Variants in CEP112 observed in about 807,000 individuals in gnomAD.
The protein encoded by CEP112 is centrosomal protein of 112 kDa.
A neutral mutation model predicts 153.0 loss-of-function variants in CEP112; 127 were observed. That is an observed-to-expected ratio of 0.83 (90% CI 0.72 to 0.96). The LOEUF is 0.96. CEP112 is among the 40% of genes least tolerant of loss of function. The pLI, the probability that CEP112 is intolerant of heterozygous loss-of-function variation, is 0.00. For missense variants in CEP112, 1,089 were observed against 1,101.2 expected, an observed-to-expected ratio of 0.99 and a Z score of 0.16; for synonymous variants, 358 against 374.4, an observed-to-expected ratio of 0.96 and a Z score of 0.51.
At chr17:65,814,507 A>G (rs987980549) in intron 21 of CEP112, among the ~76,000 whole-genome samples, 8 of 152,206 alleles carry the variant, frequency 5.3e-5, no homozygotes, top group Non-Finnish European at 8.8e-5. Context: ...AGATGTAGTG[A>G]GGAGACAATA....
chr17:66,034,106 T>C (rs2065608644), intron 12 of CEP112, among the ~76,000 whole-genome samples: 1 of 152,176 alleles, frequency 6.6e-6, no homozygotes, highest in East Asian at 1.9e-4. Context: ...ACCAATCCCC[T>C]GCATATACCA....
At chr17:66,148,481 A>G (rs1441978643) in intron 4 of CEP112, among the ~76,000 whole-genome samples, 2 of 152,184 alleles carry the variant, frequency 1.3e-5, no homozygotes, top group African/African-American at 4.8e-5. Context: ...AAGTCTTCCA[A>G]TCCATGAATA....
At chr17:66,010,782 T>A (rs182055837) in intron 16 of CEP112, among the ~76,000 whole-genome samples, 47 of 152,286 alleles carry the variant, frequency 3.1e-4, no homozygotes, top group Admixed American at 9.2e-4. Context: ...ATATGTTGAG[T>A]CAACCTTGCA....
chr17:65,645,817 C>CT (rs1418425624), intron 24 of CEP112, among the ~76,000 whole-genome samples: 1 of 152,126 alleles, frequency 6.6e-6, no homozygotes, highest in African/African-American at 2.4e-5. Flanking sequence ...ATGCTAGTTC[C>CT]TTTTTCTAAA....
intron 18 of CEP112, among the ~76,000 whole-genome samples, chr17:65,951,738 C>CTCGCG (rs2061836378): frequency 1.0e-5 from 1 of 96,644 alleles, no homozygotes; most frequent in Non-Finnish European, 2.2e-5. Context: ...CTCTAATCTT[C>CTCGCG]CCCCGCCCCC....
chr17:66,130,752 G>C (rs1416619022), intron 5 of CEP112, among the ~76,000 whole-genome samples: 1 of 143,118 alleles, frequency 7.0e-6, no homozygotes, highest in Non-Finnish European at 1.5e-5. Flanking sequence ...CTCCAGCCTG[G>C]GCGACAGAGC....
In CEP112 at chr17:66,029,181, G is replaced by A; in HGVS notation, c.1445C>T (p.Thr482Ile). ...DYEQNMKLLQ[T>I]KYDADINLLK... ...AAGGTTTATATCAGCATCATATTTG[G>A]TTTGTAACAGTTTCATGTTTTGCTC... The change falls in exon 14 of 27, where the codon ACC (threonine) becomes ATC (isoleucine). Residue 482 changes from threonine to isoleucine, a missense_variant. Physicochemically the swap from Thr to Ile is moderately conservative, Grantham distance 89. Coordinates refer to ENST00000535342, the MANE Select transcript of CEP112 (RefSeq NM_001199165.4). The A allele has an allele frequency of 1.2e-6, 2 of 1,609,662 alleles. No homozygotes were observed. The highest frequency in any genetic ancestry group is 8.5e-7 in the Non-Finnish European group (1 of 1,176,408).
chr17:65,797,958 T>C (rs1371551494), intron 21 of CEP112, among the ~76,000 whole-genome samples: 1 of 152,218 alleles, frequency 6.6e-6, no homozygotes, highest in Non-Finnish European at 1.5e-5. Flanking sequence ...CGAGGGTCTC[T>C]GATGCTACTG....
chr17:65,924,227 C>T lies in CEP112; in HGVS notation c.1980+3355G>A, dbSNP rs918371918. Reference sequence around the variant, plus strand: ...TCCTAACCTCGTGATCCGCCTGCCTCGGCCTCCCAAAGTGCTGGGATTACA... The same window carrying T: ...TCCTAACCTCGTGATCCGCCTGCCTTGGCCTCCCAAAGTGCTGGGATTACA... On this transcript the variant is annotated intron_variant, in intron 19 of 26. Coordinates refer to ENST00000535342, the MANE Select transcript of CEP112 (RefSeq NM_001199165.4). Among the ~76,000 whole-genome samples the T allele has an allele frequency of 5.9e-5, 9 of 152,228 alleles. No individual in the cohort carries two copies. The East Asian group carries it at 9.7e-4, about 16-fold the overall frequency.
At chr17:66,061,363 A>C (rs933638755) in intron 11 of CEP112, among the ~76,000 whole-genome samples, 1 of 152,100 alleles carries the variant, frequency 6.6e-6, no homozygotes, top group African/African-American at 2.4e-5. Flanking sequence ...ATTAGGGAAA[A>C]CTGTGTGGTT....
intron 13 of CEP112, among the ~76,000 whole-genome samples, 161 bp from the exon 14 acceptor site, chr17:66,029,413 C>T (rs1421811564): frequency 2.0e-5 from 3 of 152,062 alleles, no homozygotes; most frequent in Non-Finnish European, 4.4e-5. Flanking sequence ...ATGTTAAAAA[C>T]AGGTTGGGTA....
intron 6 of CEP112, among the ~76,000 whole-genome samples, chr17:66,115,827 T>C (rs115394255): frequency 3.9e-5 from 6 of 152,340 alleles, no homozygotes; most frequent in African/African-American, 1.4e-4. Flanking sequence ...AATTGTTGTC[T>C]CAGTGATTGG....
At chr17:65,971,525 A>C (rs955088955) in intron 17 of CEP112, among the ~76,000 whole-genome samples, 1 of 152,194 alleles carries the variant, frequency 6.6e-6, no homozygotes, top group Non-Finnish European at 1.5e-5. Flanking sequence ...TTACATGTGT[A>C]TCACCTAAAT....
chr17:65,793,108 G>A (rs1287537095), intron 21 of CEP112, among the ~76,000 whole-genome samples: 3 of 152,142 alleles, frequency 2.0e-5, no homozygotes, highest in Non-Finnish European at 4.4e-5. Context: ...GAGTAACAGA[G>A]GGATGCATGA....
intron 17 of CEP112, among the ~76,000 whole-genome samples, chr17:65,980,937 C>T (rs1369515017): frequency 6.6e-6 from 1 of 152,050 alleles, no homozygotes; most frequent in African/African-American, 2.4e-5. Context: ...GCCACCACAC[C>T]CAGATAATTT....
intron 4 of CEP112, among the ~76,000 whole-genome samples, chr17:66,155,584 A>C (rs1026502666): frequency 6.6e-6 from 1 of 151,806 alleles, no homozygotes; most frequent in African/African-American, 2.4e-5. Flanking sequence ...GAAGCCAGGG[A>C]GCCAAGTGGT....
intron 21 of CEP112, among the ~76,000 whole-genome samples, chr17:65,781,751 G>A (rs911126541): frequency 2.0e-5 from 3 of 152,088 alleles, no homozygotes; most frequent in African/African-American, 7.2e-5. Flanking sequence ...TAAGCAATGG[G>A]GAAAGAACTC....
intron 18 of CEP112, among the ~76,000 whole-genome samples, chr17:65,947,153 T>C (rs1350428848): frequency 1.3e-5 from 2 of 152,182 alleles, no homozygotes; most frequent in Non-Finnish European, 2.9e-5. Flanking sequence ...GATGTCACAA[T>C]GCAGATATGT....
chr17:66,107,887 C>T (rs757779433), intron 6 of CEP112, among the ~76,000 whole-genome samples: 3 of 152,116 alleles, frequency 2.0e-5, no homozygotes, highest in Middle Eastern at 3.2e-3. Context: ...CATCACCTGA[C>T]TTCAAACTAT....
Sources: gnomAD v4.1 joint callset for allele counts (sites outside exome capture counted in the v4.1 genomes callset) on GRCh38, gnomAD v4.1.1 for gene constraint, MANE v1.5 for transcripts, NCBI Gene and HGNC (gene_info 2026-07-23, HGNC 2026-07-21) for gene names.